OLA1: variants seen among roughly 807,000 people sequenced by gnomAD.
OLA1 encodes the protein Obg like ATPase 1, also known as obg-like ATPase 1.
A neutral mutation model predicts 48.4 loss-of-function variants in OLA1; 14 were observed. That is an observed-to-expected ratio of 0.29 (90% CI 0.19 to 0.45). OLA1 has a LOEUF of 0.45. Among genes scored for constraint, OLA1 ranks in the 20% least tolerant of loss-of-function variants. The probability of loss-of-function intolerance (pLI) is 1.00; values close to 1 mark genes in which losing one functional copy is unlikely to be tolerated. For missense variants in OLA1, 325 were observed against 467.1 expected (o/e 0.70, Z 2.80); for synonymous variants, 127 against 150.4 (o/e 0.84, Z 1.14).
At chr2:174,139,420 ATTG>A (rs1237142733) in intron 5 of OLA1, among the ~76,000 whole-genome samples, 1 of 152,220 alleles carries the variant, frequency 6.6e-6, no homozygotes. Flanking sequence ...GAAAGAAGAC[ATTG>A]TTGTTTAAAG....
intron 7 of OLA1, among the ~76,000 whole-genome samples, chr2:174,088,250 G>A (rs1013221601): frequency 7.9e-5 from 12 of 152,184 alleles, no homozygotes; most frequent in African/African-American, 1.7e-4. Flanking sequence ...AGGGGGTTCT[G>A]TTAAACACTG....
Position 174,229,293 on chromosome 2 carries a change from T to A in OLA1, c.245+15A>T. On this transcript the variant is annotated intron_variant, in intron 3 of 10. Coordinates refer to ENST00000284719, the MANE Select transcript of OLA1 (RefSeq NM_013341.5). ...ACACAAAATCACCAAATAAATAGCATAAAATATCTCTTACCTTGCTGGTTT... is the reference window on the plus strand; with the variant it reads ...ACACAAAATCACCAAATAAATAGCAAAAAATATCTCTTACCTTGCTGGTTT... 1.2e-6 allele frequency: 2 copies of A among 1,610,280 alleles called. No homozygotes were observed. The highest frequency in any genetic ancestry group is 1.7e-6 in the Non-Finnish European group (2 of 1,179,036).
intron 4 of OLA1, among the ~76,000 whole-genome samples, chr2:174,159,294 T>C (rs748489273): frequency 8.5e-5 from 13 of 152,200 alleles, no homozygotes; most frequent in Non-Finnish European, 1.5e-4. Context: ...TGTGTAGCTG[T>C]ATTGTCTTGC....
intron 4 of OLA1, among the ~76,000 whole-genome samples, chr2:174,201,717 T>C (rs1687993747): frequency 6.6e-6 from 1 of 152,218 alleles, no homozygotes; most frequent in African/African-American, 2.4e-5. Flanking sequence ...GCCTTTATTA[T>C]ACTGCTTATA....
intron 4 of OLA1, among the ~76,000 whole-genome samples, chr2:174,212,238 A>G (rs1450036189): frequency 1.3e-5 from 2 of 152,236 alleles, no homozygotes; most frequent in Non-Finnish European, 2.9e-5. Context: ...GCATGTTACT[A>G]TACTGAATAC....
intron 7 of OLA1, among the ~76,000 whole-genome samples, chr2:174,095,344 T>TG (rs1428505196): frequency 4.0e-5 from 5 of 125,324 alleles, no homozygotes; most frequent in African/African-American, 1.2e-4. Context: ...TTTTTTTTTT[T>TG]TTTTTGTTGT....
At chr2:174,161,219 C>A (rs1687003894) in intron 4 of OLA1, among the ~76,000 whole-genome samples, 1 of 151,836 alleles carries the variant, frequency 6.6e-6, no homozygotes, top group South Asian at 2.1e-4. Flanking sequence ...AGTTTTAATC[C>A]TGAATAAAAG....
chr2:174,098,453 T>C (rs1176088513), intron 7 of OLA1, among the ~76,000 whole-genome samples: 1 of 152,216 alleles, frequency 6.6e-6, no homozygotes, highest in African/African-American at 2.4e-5. Context: ...AAATTTGTAG[T>C]TGGCTTCATA....
chr2:174,210,463 A>G (rs1688216596), intron 4 of OLA1, among the ~76,000 whole-genome samples: 1 of 152,190 alleles, frequency 6.6e-6, no homozygotes, highest in South Asian at 2.1e-4. Flanking sequence ...AATTTTTTTA[A>G]GTAATAGCAT....
At chr2:174,203,457 G>A (rs1013603935) in intron 4 of OLA1, among the ~76,000 whole-genome samples, 2 of 142,008 alleles carry the variant, frequency 1.4e-5, no homozygotes, top group Admixed American at 1.5e-4. Flanking sequence ...CTACTGTCTA[G>A]CTAACATCTT....
At chr2:174,204,764 A>G (rs1280035736) in intron 4 of OLA1, among the ~76,000 whole-genome samples, 1 of 152,140 alleles carries the variant, frequency 6.6e-6, no homozygotes, top group African/African-American at 2.4e-5. Flanking sequence ...TAAGAAATAG[A>G]TATACAGTAG....
intron 2 of OLA1, among the ~76,000 whole-genome samples, chr2:174,241,874 G>T (rs144952887): frequency 1.3e-5 from 2 of 152,310 alleles, no homozygotes; most frequent in African/African-American, 4.8e-5. Context: ...GACCTCAAGT[G>T]ATCCGCTTGC....
intron 2 of OLA1, among the ~76,000 whole-genome samples, chr2:174,230,973 G>T (rs1688716801): frequency 6.6e-6 from 1 of 152,224 alleles, no homozygotes; most frequent in African/African-American, 2.4e-5. Context: ...GCAAAAGAAG[G>T]ATGCAAGGAT....
At chr2:174,241,589 A>AT (rs1482419204) in intron 2 of OLA1, among the ~76,000 whole-genome samples, 3 of 152,268 alleles carry the variant, frequency 2.0e-5, no homozygotes, top group African/African-American at 7.2e-5. Context: ...AACACAGTAT[A>AT]CTAGTTGCCC....
At chr2:174,108,847 T>C (rs527549171) in intron 7 of OLA1, among the ~76,000 whole-genome samples, 2 of 152,190 alleles carry the variant, frequency 1.3e-5, no homozygotes, top group Non-Finnish European at 2.9e-5. Flanking sequence ...CAACATCCTA[T>C]TCCATTCATA....
rs115838230 is a variant in OLA1, at chr2:174,222,299, T to A, written c.373+734A>T. Among the ~76,000 whole-genome samples the A allele has an allele frequency of 8.1e-3, 1,239 of 152,290 alleles. 22 individuals are homozygous for A. Among genetic ancestry groups the A allele is most frequent in the African/African-American group, 0.027 (1,135 of 41,564 alleles). On this transcript the variant is annotated intron_variant, in intron 4 of 10. Transcript: ENST00000284719. Reference sequence around the variant, plus strand: ...ATATTTTCTAAATGCTTACTCTCAGTTACTATAGTTATCTAGTTGAGGACC... The same window carrying A: ...ATATTTTCTAAATGCTTACTCTCAGATACTATAGTTATCTAGTTGAGGACC...
chr2:174,189,381 A>G (rs992338606), intron 4 of OLA1, among the ~76,000 whole-genome samples: 1 of 152,206 alleles, frequency 6.6e-6, no homozygotes, highest in African/African-American at 2.4e-5. Flanking sequence ...ATGGAAAAAA[A>G]TCTGCAACTC....
chr2:174,161,613 T>C (rs551058658), intron 4 of OLA1, among the ~76,000 whole-genome samples: 2 of 150,832 alleles, frequency 1.3e-5, no homozygotes, highest in Non-Finnish European at 2.9e-5. Context: ...TGCAGTGAGC[T>C]ATGATGGCAC....
chr2:174,101,979 G>A (rs904283391), intron 7 of OLA1, among the ~76,000 whole-genome samples: 1 of 152,128 alleles, frequency 6.6e-6, no homozygotes, highest in Non-Finnish European at 1.5e-5. Context: ...GAAAAAATAG[G>A]CAGTTTAGTT....
Sources: gnomAD v4.1 joint callset for allele counts (sites outside exome capture counted in the v4.1 genomes callset) on GRCh38, gnomAD v4.1.1 for gene constraint, MANE v1.5 for transcripts, NCBI Gene and HGNC (gene_info 2026-07-23, HGNC 2026-07-21) for gene names.